Variants in UBE2D3 observed in about 807,000 individuals in gnomAD.
The protein encoded by UBE2D3 is ubiquitin-conjugating enzyme E2 D3.
In UBE2D3, 2 loss-of-function variants were observed where a neutral mutation model predicts 22.8. The observed-to-expected ratio is 0.09, with a 90% CI of 0.04 to 0.28. UBE2D3 has a LOEUF of 0.28. Among genes scored for constraint, UBE2D3 ranks in the 10% least tolerant of loss-of-function variants. The pLI, the probability that UBE2D3 is intolerant of heterozygous loss-of-function variation, is 1.00. For missense variants in UBE2D3, 27 were observed against 182.5 expected (o/e 0.15, Z 4.91); for synonymous variants, 56 against 60.4 (o/e 0.93, Z 0.34).
intron 1 of UBE2D3, among the ~76,000 whole-genome samples, chr4:102,863,242 G>C (rs1364500814): frequency 6.6e-6 from 1 of 151,926 alleles, no homozygotes; most frequent in Non-Finnish European, 1.5e-5. Flanking sequence ...GTAGAGATGG[G>C]GTTTCACTAT....
chr4:102,797,052 C>G lies in UBE2D3; in HGVS notation c.*363G>C, dbSNP rs149426602. On this transcript the variant is annotated 3_prime_UTR_variant, in exon 8 of 8. Coordinates refer to ENST00000453744, the MANE Select transcript of UBE2D3 (RefSeq NM_181891.3). Reference sequence around the variant, plus strand: ...CAACTGAGCATCCATCTCCCTCCCCCTCAGATGATTTCTTCAGCATGTTAG... The same window carrying G: ...CAACTGAGCATCCATCTCCCTCCCCGTCAGATGATTTCTTCAGCATGTTAG... 2.7e-3 allele frequency: 474 copies of G among 176,488 alleles called. 1 individual carries two copies. The highest frequency in any genetic ancestry group is 7.4e-3 in the Middle Eastern group (3 of 408). The allele number at this position is 176,488 out of a possible 1,614,324, so 10.9% of individuals were successfully genotyped here. A position where few individuals can be genotyped will look rare whatever the true frequency, so the allele number is the denominator to read the frequency against.
upstream of UBE2D3, chr4:102,827,715 CCTT>C: frequency 1.1e-6 from 1 of 928,864 alleles, no homozygotes; most frequent in Non-Finnish European, 1.2e-6. Context: ...AAGCCCTTTT[CCTT>C]CTTCTCGGAA....
intron 2 of UBE2D3, chr4:102,810,099 A>T: frequency 2.3e-6 from 1 of 437,066 alleles, no homozygotes; most frequent in Non-Finnish European, 4.1e-6. Flanking sequence ...ATTTACATAA[A>T]AGCCAATCTC....
At chr4:102,856,936 T>C (rs934931690) in intron 1 of UBE2D3, among the ~76,000 whole-genome samples, 2 of 152,300 alleles carry the variant, frequency 1.3e-5, no homozygotes, top group Admixed American at 6.5e-5. Flanking sequence ...AGGGCACTTA[T>C]AGGGTAATAA....
rs1733316233 is a variant in UBE2D3, at chr4:102,868,818, AGAGGAGGGCCACCTTCACACGAGATTCC to A, written c.-260_-233del. On this transcript the variant is annotated 5_prime_UTR_variant, in exon 1 of 8. Transcript: ENST00000338145. ...AGCATCTACAGACGTTAAAGGCCCA[AGAGGAGGGCCACCTTCACACGAGATTCC>A]GAGGAGGGCCTCGCTACCCGCCAGT... is the stretch of plus-strand genomic sequence containing the variant. 5 of 1,603,526 alleles carry A rather than the reference AGAGGAGGGCCACCTTCACACGAGATTCC, an allele frequency of 3.1e-6. No individual in the cohort carries two copies. In the East Asian group the frequency reaches 8.9e-5, roughly 29 times the overall value.
chr4:102,864,903 T>C (rs1733075362), intron 1 of UBE2D3, among the ~76,000 whole-genome samples: 1 of 152,206 alleles, frequency 6.6e-6, no homozygotes, highest in Non-Finnish European at 1.5e-5. Flanking sequence ...TAAGTGACAT[T>C]ACAAACCACA....
chr4:102,855,087 A>G (rs184708162), intron 1 of UBE2D3, among the ~76,000 whole-genome samples: 6 of 152,342 alleles, frequency 3.9e-5, no homozygotes, highest in Admixed American at 2.6e-4. Flanking sequence ...TTGATAAATT[A>G]TAACAGCCTT....
At chr4:102,857,559 A>T (rs780544532) in intron 1 of UBE2D3, among the ~76,000 whole-genome samples, 10 of 152,206 alleles carry the variant, frequency 6.6e-5, no homozygotes, top group Non-Finnish European at 1.0e-4. Context: ...AACATGTTGA[A>T]TATGTTGTTT....
At chr4:102,848,884 G>C (rs1346179876) in intron 1 of UBE2D3, among the ~76,000 whole-genome samples, 1 of 150,602 alleles carries the variant, frequency 6.6e-6, no homozygotes, top group East Asian at 2.0e-4. Flanking sequence ...TTTCCTTATA[G>C]GAACGAGGTT....
intron 2 of UBE2D3, chr4:102,825,500 G>A (rs919126784): frequency 8.7e-7 from 1 of 1,151,900 alleles, no homozygotes; most frequent in Non-Finnish European, 1.1e-6. Flanking sequence ...GGAGATGCCG[G>A]AAAGAGCCTG....
rs1221441615 is a variant in UBE2D3, at chr4:102,826,709, G to A, written c.-128-73C>T. 5.6e-6 allele frequency: 8 copies of A among 1,439,490 alleles called. No individual in the cohort carries two copies. The South Asian group carries it at 5.9e-5, about 11-fold the overall frequency. The allele number at this position is 1,439,490 out of a possible 1,614,324, so 89.2% of individuals were successfully genotyped here. On this transcript the variant is annotated intron_variant, in intron 1 of 7. Coordinates refer to ENST00000453744, the MANE Select transcript of UBE2D3 (RefSeq NM_181891.3). Reference sequence around the variant, plus strand: ...CCCCTGATGAATCCAGGTCCCTTAAGACAGCCGCGATCCGGGGTGGGTGGG... The same window carrying A: ...CCCCTGATGAATCCAGGTCCCTTAAAACAGCCGCGATCCGGGGTGGGTGGG...
At chr4:102,863,773 C>T (rs1163073160) in intron 1 of UBE2D3, among the ~76,000 whole-genome samples, 1 of 152,142 alleles carries the variant, frequency 6.6e-6, no homozygotes, top group Non-Finnish European at 1.5e-5. Context: ...GGATTACAGA[C>T]GTGGGTCACC....
At chr4:102,836,619 T>G (rs1731422034) in intron 1 of UBE2D3, among the ~76,000 whole-genome samples, 2 of 152,236 alleles carry the variant, frequency 1.3e-5, no homozygotes, top group African/African-American at 4.8e-5. Context: ...TCCCAAGTGT[T>G]TTTTACCACT....
rs1289655900 is a variant in UBE2D3 at position 102,797,051 on chromosome 4, C to T, written c.*364G>A. On this transcript the variant is annotated 3_prime_UTR_variant, in exon 8 of 8. Coordinates refer to ENST00000453744, the MANE Select transcript of UBE2D3 (RefSeq NM_181891.3). ...ACAACTGAGCATCCATCTCCCTCCC[C>T]CTCAGATGATTTCTTCAGCATGTTA... 1 of 175,946 alleles carries T rather than the reference C, an allele frequency of 5.7e-6. No individual in the cohort carries two copies. Among genetic ancestry groups the T allele is most frequent in the Non-Finnish European group, 1.2e-5 (1 of 82,468 alleles). The allele number at this position is 175,946 out of a possible 1,614,324, so 10.9% of individuals were successfully genotyped here. A position where few individuals can be genotyped will look rare whatever the true frequency, so the allele number is the denominator to read the frequency against.
chr4:102,821,537 T>G (rs573750361), intron 2 of UBE2D3, among the ~76,000 whole-genome samples: 1 of 152,134 alleles, frequency 6.6e-6, no homozygotes, highest in African/African-American at 2.4e-5. Context: ...CAGAATCACC[T>G]AGAAAATTTT....
At chr4:102,866,223 C>T (rs1308413027) in intron 1 of UBE2D3, among the ~76,000 whole-genome samples, 1 of 152,174 alleles carries the variant, frequency 6.6e-6, no homozygotes. Flanking sequence ...AATATATGAT[C>T]CACACCTTTT....
intron 1 of UBE2D3, among the ~76,000 whole-genome samples, chr4:102,866,521 T>C (rs746107489): frequency 3.9e-5 from 6 of 152,202 alleles, no homozygotes; most frequent in Non-Finnish European, 7.3e-5. Context: ...TACCTGGAAC[T>C]GTACATTTGG....
At chr4:102,804,210 C>A (rs1041728738) in intron 4 of UBE2D3, among the ~76,000 whole-genome samples, 6 of 152,142 alleles carry the variant, frequency 3.9e-5, no homozygotes, top group African/African-American at 1.2e-4. Flanking sequence ...TGCCCAAGCT[C>A]GAGTAAAATG....
At chr4:102,861,468 A>G (rs922032680) in intron 1 of UBE2D3, among the ~76,000 whole-genome samples, 3 of 152,042 alleles carry the variant, frequency 2.0e-5, no homozygotes, top group Non-Finnish European at 2.9e-5. Context: ...AAATATAAAC[A>G]GTTAAATATA....
Sources: allele counts gnomAD v4.1 joint callset (sites outside exome capture counted in the v4.1 genomes callset), GRCh38; gene constraint gnomAD v4.1.1; transcripts MANE v1.5; gene names NCBI Gene and HGNC (gene_info 2026-07-23, HGNC 2026-07-21).